Variants in SNX16 observed in about 807,000 individuals in gnomAD.
SNX16 encodes the protein sorting nexin-16.
A neutral mutation model predicts 36.7 loss-of-function variants in SNX16; 35 were observed. The observed-to-expected ratio is 0.95, with a 90% CI of 0.73 to 1.27. The LOEUF is 1.27. SNX16 is among the 50% of genes most tolerant of loss of function. The pLI, the probability that SNX16 is intolerant of heterozygous loss-of-function variation, is 0.00. For missense variants in SNX16, 367 were observed against 393.6 expected, an observed-to-expected ratio of 0.93 and a Z score of 0.57; for synonymous variants, 134 against 132.0, an observed-to-expected ratio of 1.02 and a Z score of -0.10.
chr8:81,800,906 C>T lies in SNX16; in HGVS notation c.*591G>A. 6.6e-6 allele frequency: 1 copy of T among 152,142 alleles called. No individual in the cohort carries two copies. The highest frequency in any genetic ancestry group is 2.1e-4 in the South Asian group (1 of 4,832). The allele number at this position is 152,142 out of a possible 1,614,324, so 9.4% of individuals were successfully genotyped here. On this transcript the variant is annotated 3_prime_UTR_variant, in exon 8 of 8. Transcript: ENST00000345957. ...TATCACTTTAGCTATATGATTACAG[C>T]TCTTTCAAGTAGTTTTCCTTTGGTA... is the stretch of plus-strand genomic sequence containing the variant.
In SNX16 at chr8:81,822,964, A is replaced by ATATATGTATATG. The variant is rs1554546269; in HGVS notation, c.611+827_611+828insCATATACATATA. On this transcript the variant is annotated intron_variant, in intron 4 of 7. Coordinates refer to ENST00000345957, the MANE Select transcript of SNX16 (RefSeq NM_152836.3). ...TACATATACATATATATATATATAT[A>ATATATGTATATG]TATATATATATACACATATGTGTGT... Among the ~76,000 whole-genome samples, 382 of 127,230 alleles carry ATATATGTATATG rather than the reference A, an allele frequency of 3.0e-3. 3 individuals are homozygous for ATATATGTATATG. The highest frequency in any genetic ancestry group is 0.012 in the Middle Eastern group (3 of 260). 83.5% of individuals were successfully genotyped at this position (127,230 alleles called of 152,430 possible). A position where few individuals can be genotyped will look rare whatever the true frequency, so the allele number is the denominator to read the frequency against.
chr8:81,837,793 A>T (rs924644183), intron 2 of SNX16, among the ~76,000 whole-genome samples: 2 of 152,174 alleles, frequency 1.3e-5, no homozygotes, highest in African/African-American at 4.8e-5. Context: ...TAATTCAGGA[A>T]ATTGGCCATC....
intron 4 of SNX16, chr8:81,815,615 A>C: frequency 2.5e-6 from 1 of 395,444 alleles, no homozygotes; most frequent in Non-Finnish European, 4.7e-6. Flanking sequence ...TGTTACATAC[A>C]AACTATGGGG....
At chr8:81,815,824 C>G (rs1019940347) in intron 4 of SNX16, 1 of 154,572 alleles carries the variant, frequency 6.5e-6, no homozygotes, top group African/African-American at 2.4e-5. Flanking sequence ...TACTCTCAAA[C>G]AAGTTAAAGA....
intron 4 of SNX16, among the ~76,000 whole-genome samples, chr8:81,823,559 T>G (rs1810872476): frequency 6.6e-6 from 1 of 152,072 alleles, no homozygotes; most frequent in Non-Finnish European, 1.5e-5. Flanking sequence ...GTACACTGGA[T>G]TTTTCACTTT....
chr8:81,811,577 G>A lies in SNX16; in HGVS notation c.681+3748C>T, dbSNP rs566632544. 8.7e-5 allele frequency among the ~76,000 whole-genome samples: 13 copies of A among 149,248 alleles called. No individual in the cohort carries two copies. In the South Asian group the frequency reaches 2.5e-3, roughly 29 times the overall value. On this transcript the variant is annotated intron_variant, in intron 5 of 7. Transcript: ENST00000345957. The stretch of plus-strand genomic sequence containing the variant: ...AAAGCCAGGCTTAAAAATAAAATGA[G>A]GAAAAAAACACTGAGAAAAGACATC...
intron 3 of SNX16, among the ~76,000 whole-genome samples, chr8:81,827,958 G>T (rs1193973635): frequency 1.3e-5 from 2 of 152,120 alleles, no homozygotes; most frequent in African/African-American, 4.8e-5. Flanking sequence ...TTAGATAAAT[G>T]ATTTTTCTCT....
chr8:81,801,662 C>G (rs1809699740), intron 7 of SNX16, 69 bp from the exon 8 acceptor site: 1 of 919,140 alleles, frequency 1.1e-6, no homozygotes, highest in African/African-American at 1.8e-5. Context: ...TTCATTTTCA[C>G]TATTACCTTT....
chr8:81,806,833 A>G (rs1478897621), intron 5 of SNX16, among the ~76,000 whole-genome samples: 2 of 152,190 alleles, frequency 1.3e-5, no homozygotes, highest in African/African-American at 4.8e-5. Flanking sequence ...ATAAAAATCA[A>G]TAATAAAACT....
chr8:81,802,280 C>T (rs370410029), intron 7 of SNX16, 100 bp downstream of exon 7: 8 of 804,148 alleles, frequency 9.9e-6, no homozygotes, highest in African/African-American at 7.2e-5. Context: ...ATTCGTGATA[C>T]AGTAACACTG....
At chr8:81,802,561 T>C (rs1212816793) in intron 6 of SNX16, 62 bp from the exon 7 acceptor site, 3 of 1,441,298 alleles carry the variant, frequency 2.1e-6, no homozygotes, top group Non-Finnish European at 2.9e-6. Flanking sequence ...TGTTTAATGT[T>C]GTGAATACAG....
At chr8:81,804,679 A>C (rs1809853506) in intron 5 of SNX16, among the ~76,000 whole-genome samples, 1 of 152,112 alleles carries the variant, frequency 6.6e-6, no homozygotes, top group East Asian at 1.9e-4. Flanking sequence ...GACTGTATTA[A>C]AAAGAACTAT....
At chr8:81,806,070 T>C (rs1003374923) in intron 5 of SNX16, among the ~76,000 whole-genome samples, 1 of 152,186 alleles carries the variant, frequency 6.6e-6, no homozygotes, top group Non-Finnish European at 1.5e-5. Context: ...AAATCTACTA[T>C]AAGACAAGCT....
chr8:81,834,555 C>A (rs1563454969), intron 2 of SNX16, among the ~76,000 whole-genome samples: 1 of 152,180 alleles, frequency 6.6e-6, no homozygotes, highest in Non-Finnish European at 1.5e-5. Context: ...TAGTTACTTA[C>A]TAGATACAAT....
At chr8:81,824,354 T>C (rs1810919618) in intron 3 of SNX16, among the ~76,000 whole-genome samples, 1 of 152,190 alleles carries the variant, frequency 6.6e-6, no homozygotes. Context: ...GTTGCCTAAG[T>C]TATAAGAGTT....
chr8:81,838,574 GA>G (rs534067391), intron 2 of SNX16, among the ~76,000 whole-genome samples: 10,103 of 108,720 alleles, frequency 0.093, 387 homozygotes, highest in Middle Eastern at 0.14. Flanking sequence ...GTCCCATCTG[GA>G]AAAAAAAAAA....
At chr8:81,840,357 C>A in intron 1 of SNX16, 1 of 172,720 alleles carries the variant, frequency 5.8e-6, no homozygotes, top group East Asian at 1.6e-4. Context: ...TCATTTTAAC[C>A]TGATTTCATG....
At chr8:81,817,885 A>G (rs1003717247) in intron 4 of SNX16, among the ~76,000 whole-genome samples, 1 of 152,114 alleles carries the variant, frequency 6.6e-6, no homozygotes, top group African/African-American at 2.4e-5. Context: ...TATGTGTGCC[A>G]TTATTCCTTT....
At chr8:81,804,846 C>A (rs1024792191) in intron 5 of SNX16, among the ~76,000 whole-genome samples, 1 of 152,000 alleles carries the variant, frequency 6.6e-6, no homozygotes, top group Non-Finnish European at 1.5e-5. Context: ...CACAAAGAGT[C>A]TCTACCTAAT....
Sources: allele counts gnomAD v4.1 joint callset (sites outside exome capture counted in the v4.1 genomes callset), GRCh38; gene constraint gnomAD v4.1.1; transcripts MANE v1.5; gene names NCBI Gene and HGNC (gene_info 2026-07-23, HGNC 2026-07-21).